ZDHHC24: variants seen among roughly 807,000 people sequenced by gnomAD.
ZDHHC24 encodes the protein probable palmitoyltransferase ZDHHC24.
ZDHHC24 carries 17 observed loss-of-function variants against 23.2 expected under a neutral mutation model. That is an observed-to-expected ratio of 0.73 (90% CI 0.50 to 1.10). ZDHHC24 has a LOEUF of 1.10. ZDHHC24 is among the 50% of genes least tolerant of loss of function. The pLI is 0.00. For missense variants in ZDHHC24, 366 were observed against 393.0 expected (o/e 0.93, Z 0.58); for synonymous variants, 186 against 194.5 (o/e 0.96, Z 0.36).
downstream of ZDHHC24, chr11:66,530,883 C>A (rs1856750028): frequency 1.2e-6 from 2 of 1,614,208 alleles, no homozygotes; most frequent in African/African-American, 1.3e-5. Flanking sequence ...CTCCACCCAC[C>A]CTCTCCATAG....
At chr11:66,530,889 C>T (rs1856750557), downstream of ZDHHC24, 1 of 1,614,186 alleles carries the variant, frequency 6.2e-7, no homozygotes, top group African/African-American at 1.3e-5. Flanking sequence ...CCACCCTCTC[C>T]ATAGGTTCAG....
Position 66,537,903 on chromosome 11 carries a change from G to A in ZDHHC24, c.*1626C>T, listed in dbSNP as rs1463971479. On this transcript the variant is annotated 3_prime_UTR_variant, in exon 3 of 3. Coordinates refer to ENST00000310442, the MANE Select transcript of ZDHHC24 (RefSeq NM_207340.3). ...AGATCGTGCCACTGCACTCCAGCCTGGCAACAGAACAAGAGTCTGTCTCAA... is the reference window on the plus strand; with the variant it reads ...AGATCGTGCCACTGCACTCCAGCCTAGCAACAGAACAAGAGTCTGTCTCAA... The A allele has an allele frequency of 6.7e-6, 1 of 148,934 alleles. No individual in the cohort carries two copies. Among genetic ancestry groups the A allele is most frequent in the Admixed American group, 6.7e-5 (1 of 14,820 alleles). The allele number at this position is 148,934 out of a possible 1,614,324, so 9.2% of individuals were successfully genotyped here.
chr11:66,522,820 T>A, intron 4 of ZDHHC24: 1 of 302,044 alleles, frequency 3.3e-6, no homozygotes, highest in Non-Finnish European at 6.4e-6. Context: ...GGATGAGTGC[T>A]ATGGAGAAAA....
chr11:66,543,911 G>C lies in ZDHHC24; in HGVS notation c.352C>G (p.Leu118Val), dbSNP rs745685556. 1.2e-6 allele frequency: 2 copies of C among 1,614,018 alleles called. No homozygotes were observed. The change falls in exon 2 of 3, where the codon CTG (leucine) becomes GTG (valine). Residue 118 changes from leucine (L) to valine (V), a missense_variant. Transcript: ENST00000310442. ...AGGCGGCAGTGGTGGTCCCGACGCA[G>C]GATGCAGACGCGGCAGGCAGAGCAG... ...GHCSACRVCI[L>V]RRDHHCRLLG...
chr11:66,535,066 T>C (rs1049023844), downstream of ZDHHC24, among the ~76,000 whole-genome samples: 12 of 152,110 alleles, frequency 7.9e-5, no homozygotes, highest in African/African-American at 2.7e-4. Flanking sequence ...CTAATTTTTG[T>C]ATTTTTAGTA....
intron 4 of ZDHHC24, chr11:66,522,955 T>G: frequency 2.8e-6 from 1 of 359,622 alleles, no homozygotes; most frequent in Non-Finnish European, 5.5e-6. Flanking sequence ...GTAGGCCAAC[T>G]CAAAGTGGGA....
intron 4 of ZDHHC24, chr11:66,523,521 A>G (rs751978471): frequency 1.9e-5 from 31 of 1,614,034 alleles, no homozygotes; most frequent in Non-Finnish European, 1.9e-5. Context: ...ATCCGGGTAC[A>G]CAAGGTCCTA....
rs1403026615 is a variant in ZDHHC24, at chr11:66,535,979, G to A, written c.*3550C>T. 13 of 152,068 alleles carry A rather than the reference G, an allele frequency of 8.5e-5. No homozygotes were observed. Among genetic ancestry groups the A allele is most frequent in the Non-Finnish European group, 5.9e-5 (4 of 68,026 alleles). The allele number at this position is 152,068 out of a possible 1,614,324, so 9.4% of individuals were successfully genotyped here. ...GCCATACAGCTACACACAATAATCC[G>A]GATACATCTCAGGAACATAATCAAG... On this transcript the variant is annotated 3_prime_UTR_variant, in exon 3 of 3. Coordinates refer to ENST00000310442, the MANE Select transcript of ZDHHC24 (RefSeq NM_207340.3).
downstream of ZDHHC24, chr11:66,530,933 CTG>C (rs775769424): frequency 1.4e-5 from 23 of 1,614,130 alleles, no homozygotes; most frequent in Non-Finnish European, 1.4e-5. Context: ...CACACTTCAC[CTG>C]CAGAACACCT....
intron 1 of ZDHHC24, among the ~76,000 whole-genome samples, chr11:66,544,846 G>T (rs1857262725): frequency 6.6e-6 from 1 of 152,044 alleles, no homozygotes; most frequent in Non-Finnish European, 1.5e-5. Flanking sequence ...CATAAAATGT[G>T]TGTGTAGAGC....
chr11:66,528,352 G>T (rs375831552), intron 3 of ZDHHC24, among the ~76,000 whole-genome samples: 1 of 152,228 alleles, frequency 6.6e-6, no homozygotes, highest in South Asian at 2.1e-4. Flanking sequence ...TGTAAAGCTT[G>T]AAGTTGCAGT....
At chr11:66,539,873 TTTC>T in intron 2 of ZDHHC24, 49 bp from the exon 3 acceptor site, 2 of 1,478,482 alleles carry the variant, frequency 1.4e-6, no homozygotes, top group Admixed American at 4.6e-5. Context: ...GGGGTCCGGC[TTTC>T]CTGCCACCTG....
chr11:66,545,982 C>T lies in ZDHHC24; in HGVS notation c.22G>A (p.Gly8Arg). 1 of 1,418,056 alleles carries T rather than the reference C, an allele frequency of 7.1e-7. No individual in the cohort carries two copies. The highest frequency in any genetic ancestry group is 1.5e-5 in the South Asian group (1 of 64,634). The allele number at this position is 1,418,056 out of a possible 1,614,324, so 87.8% of individuals were successfully genotyped here. A position where few individuals can be genotyped will look rare whatever the true frequency, so the allele number is the denominator to read the frequency against. Residue 8 changes from glycine (G) to arginine (R), a missense_variant, in exon 1 of 3, where the codon GGG (glycine) becomes AGG (arginine). Gly to Arg is a moderately radical substitution (Grantham distance 125). Coordinates refer to ENST00000310442, the MANE Select transcript of ZDHHC24 (RefSeq NM_207340.3). This position sits in a 1 kb window ranked among gnomAD's most constrained non-coding sequence, Gnocchi z 4.5. ...TGCGCGGGCGCCCCGTCCGTGCTCCCAGCCGCCCAGGGCTGCCCCATGGCC... is the reference window on the plus strand; with the variant it reads ...TGCGCGGGCGCCCCGTCCGTGCTCCTAGCCGCCCAGGGCTGCCCCATGGCC... MGQPWAA[G>R]STDGAPAQLP...
chr11:66,529,059 TA>T, intron 3 of ZDHHC24: 3 of 983,200 alleles, frequency 3.1e-6, no homozygotes, highest in Non-Finnish European at 3.6e-6. Context: ...AAATAAATTG[TA>T]AAAGTACTAG....
At chr11:66,544,396 C>T (rs1857249391) in intron 1 of ZDHHC24, among the ~76,000 whole-genome samples, 1 of 152,194 alleles carries the variant, frequency 6.6e-6, no homozygotes. Flanking sequence ...GCTTAAAACC[C>T]TCCTGTGGTT....
downstream of ZDHHC24, chr11:66,531,545 C>A: frequency 7.1e-7 from 1 of 1,415,642 alleles, no homozygotes; most frequent in Non-Finnish European, 1.0e-6. Flanking sequence ...TTGTCCTGCC[C>A]ACCCTGCAGG....
At chr11:66,529,632 G>A (rs1590778748) in intron 2 of ZDHHC24, 2 of 742,034 alleles carry the variant, frequency 2.7e-6, no homozygotes, top group Non-Finnish European at 2.3e-6. Flanking sequence ...GAGGCAGGGC[G>A]AGGCCACGGC....
In ZDHHC24 at chr11:66,527,142, G is replaced by C. The variant is rs1379547370; in HGVS notation, c.737-136C>G. On this transcript the variant is annotated intron_variant, in intron 3 of 4. Transcript: ENST00000526986. Reference sequence around the variant, plus strand: ...CTGTAATCCCAACACTTTGGCAGAGGTGGGAGGACAGCATGAGCCCAGGAG... The same window carrying C: ...CTGTAATCCCAACACTTTGGCAGAGCTGGGAGGACAGCATGAGCCCAGGAG... 3 of 845,028 alleles carry C rather than the reference G, an allele frequency of 3.6e-6. No individual in the cohort carries two copies. The African/African-American group carries it at 5.0e-5, about 14-fold the overall frequency. 52.3% of individuals were successfully genotyped at this position (845,028 alleles called of 1,614,324 possible). A position where few individuals can be genotyped will look rare whatever the true frequency, so the allele number is the denominator to read the frequency against.
At chr11:66,531,797 T>C (rs745729033), downstream of ZDHHC24, 3 of 1,612,056 alleles carry the variant, frequency 1.9e-6, no homozygotes, top group South Asian at 3.3e-5. Flanking sequence ...GGGAGGACAG[T>C]AAGGGTGAGT....
Sources: gnomAD v4.1 joint callset for allele counts (sites outside exome capture counted in the v4.1 genomes callset) on GRCh38, gnomAD v4.1.1 for gene constraint, Gnocchi (gnomAD v3.1) non-coding constraint, MANE v1.5 for transcripts, NCBI Gene and HGNC (gene_info 2026-07-23, HGNC 2026-07-21) for gene names.